CCDC141: variants seen among roughly 807,000 people sequenced by gnomAD.
CCDC141 encodes coiled-coil domain-containing protein 141.
Under a neutral mutation model 181.0 loss-of-function variants are expected in CCDC141, and 168 were observed. The ratio of observed to expected loss-of-function variants is 0.93; its 90% CI spans 0.82 to 1.05. The LOEUF is 1.05. CCDC141 is among the 50% of genes least tolerant of loss of function. The pLI is 0.00. For missense variants in CCDC141, 1,902 were observed against 1,788.5 expected, an observed-to-expected ratio of 1.06 and a Z score of -1.14; for synonymous variants, 666 against 642.3, an observed-to-expected ratio of 1.04 and a Z score of -0.56.
At chr2:178,910,845 G>A (rs981290985) in intron 7 of CCDC141, among the ~76,000 whole-genome samples, 15 of 152,176 alleles carry the variant, frequency 9.9e-5, no homozygotes, top group Non-Finnish European at 1.9e-4. Flanking sequence ...ACCTATGGAA[G>A]CTTTTGTCTC....
At chr2:178,947,039 A>G (rs1036686523) in intron 5 of CCDC141, among the ~76,000 whole-genome samples, 11 of 152,186 alleles carry the variant, frequency 7.2e-5, no homozygotes, top group African/African-American at 2.7e-4. Flanking sequence ...ACACAGGAGC[A>G]GACTCTTCGA....
chr2:179,019,011 G>C (rs888460117), intron 2 of CCDC141, among the ~76,000 whole-genome samples: 1 of 151,888 alleles, frequency 6.6e-6, no homozygotes, highest in Non-Finnish European at 1.5e-5. Context: ...TTTCCCAAAA[G>C]CCAGACCATG....
At chr2:178,855,172 C>T (rs1685328821) in intron 19 of CCDC141, among the ~76,000 whole-genome samples, 175 bp downstream of exon 19, 1 of 152,138 alleles carries the variant, frequency 6.6e-6, no homozygotes, top group Admixed American at 6.5e-5. Context: ...AATATTCATC[C>T]CCTTAGGTCC....
chr2:178,978,999 A>C (rs779377423), intron 2 of CCDC141, among the ~76,000 whole-genome samples: 1 of 152,208 alleles, frequency 6.6e-6, no homozygotes, highest in Non-Finnish European at 1.5e-5. Context: ...AAATAAGAAA[A>C]GTAATAAGAA....
chr2:178,949,147 G>A (rs1689848608), intron 5 of CCDC141, among the ~76,000 whole-genome samples: 1 of 152,172 alleles, frequency 6.6e-6, no homozygotes, highest in Non-Finnish European at 1.5e-5. Flanking sequence ...TAGGAAGGTT[G>A]GAAGAGTGGG....
intron 11 of CCDC141, among the ~76,000 whole-genome samples, chr2:178,881,959 A>C (rs1027482465): frequency 7.5e-5 from 11 of 145,750 alleles, no homozygotes; most frequent in Non-Finnish European, 1.2e-4. Context: ...ACACACACAC[A>C]CACCAGTCTA....
rs1340252830 is a variant in CCDC141 at position 178,886,868 on chromosome 2, C to T, written c.1411G>A (p.Glu471Lys). 4.1e-5 allele frequency: 58 copies of T among 1,418,884 alleles called. No individual in the cohort carries two copies. Among genetic ancestry groups the T allele is most frequent in the Non-Finnish European group, 5.2e-5 (57 of 1,087,350 alleles). The allele number at this position is 1,418,884 out of a possible 1,614,324, so 87.9% of individuals were successfully genotyped here. A position where few individuals can be genotyped will look rare whatever the true frequency, so the allele number is the denominator to read the frequency against. Residue 471 changes from glutamate to lysine, a missense_variant, in exon 10 of 24, where the codon GAA (glutamate) becomes AAA (lysine). Transcript: ENST00000443758. Reference sequence around the variant, plus strand: ...GGACTGATTTTCTGAATTGACATTTCCACCTTTAGGAGTGAATAATATATG... The same window carrying T: ...GGACTGATTTTCTGAATTGACATTTTCACCTTTAGGAGTGAATAATATATG... ...ASVEGYLRKV[E>K]MSIQKISPVL...
At chr2:178,853,415 A>G in intron 20 of CCDC141, 26 bp downstream of exon 20, 1 of 1,606,740 alleles carries the variant, frequency 6.2e-7, no homozygotes, top group Non-Finnish European at 8.5e-7. Context: ...ATGGCCAATC[A>G]CTGGATATCT....
rs527341019 is a variant in CCDC141 at position 178,848,561 on chromosome 2, G to T, written c.3357+1488C>A. On this transcript the variant is annotated intron_variant, in intron 21 of 23. Coordinates refer to ENST00000443758, the MANE Select transcript of CCDC141 (RefSeq NM_173648.4). ...AGAATGAGGAAGTGGGAGAGGCTGT[G>T]GAAACAGCTCTTTCAGGAAGAATAG... is the stretch of plus-strand genomic sequence containing the variant. Among the ~76,000 whole-genome samples the T allele has an allele frequency of 5.1e-4, 78 of 152,276 alleles. No homozygotes were observed. In the South Asian group the frequency reaches 1.0e-2, roughly 19 times the overall value.
At chr2:178,850,574 T>TATCTCCAGCCAA (rs11275198) in intron 20 of CCDC141, among the ~76,000 whole-genome samples, 130,102 of 151,424 alleles carry the variant, frequency 0.86, 55,923 homozygotes, top group East Asian at 0.99. Context: ...TCCTGTATTT[T>TATCTCCAGCCAA]ATCTCCAGCC....
chr2:178,919,387 T>A (rs1441112119), intron 6 of CCDC141, among the ~76,000 whole-genome samples: 2 of 152,150 alleles, frequency 1.3e-5, no homozygotes, highest in Non-Finnish European at 1.5e-5. Context: ...TAGTGGTAAA[T>A]GCTTCACTAC....
chr2:178,980,681 G>C (rs902246572), intron 2 of CCDC141, among the ~76,000 whole-genome samples: 1 of 152,138 alleles, frequency 6.6e-6, no homozygotes, highest in Non-Finnish European at 1.5e-5. Flanking sequence ...TTGTCTACAA[G>C]AAACCTACTC....
At chr2:178,909,833 GT>G (rs1688144302) in intron 7 of CCDC141, among the ~76,000 whole-genome samples, 1 of 152,150 alleles carries the variant, frequency 6.6e-6, no homozygotes, top group African/African-American at 2.4e-5. Flanking sequence ...TGGAAGCAGT[GT>G]TTTCCCTTTG....
intron 2 of CCDC141, among the ~76,000 whole-genome samples, chr2:178,990,451 G>A (rs1170955733): frequency 6.6e-6 from 1 of 151,602 alleles, no homozygotes; most frequent in Non-Finnish European, 1.5e-5. Flanking sequence ...ATTTACTGGT[G>A]AATGGATGAA....
intron 2 of CCDC141, among the ~76,000 whole-genome samples, chr2:179,035,081 A>G (rs982574474): frequency 6.6e-6 from 1 of 152,250 alleles, no homozygotes; most frequent in Admixed American, 6.5e-5. Flanking sequence ...CAATATACCC[A>G]TAATAGTTTG....
chr2:179,027,355 G>C (rs201031339), intron 2 of CCDC141, among the ~76,000 whole-genome samples: 1 of 152,044 alleles, frequency 6.6e-6, no homozygotes, highest in East Asian at 1.9e-4. Flanking sequence ...TTAAAAATGA[G>C]AGTTTCCGGC....
At chr2:179,007,054 G>A (rs1206423270) in intron 2 of CCDC141, among the ~76,000 whole-genome samples, 1 of 152,104 alleles carries the variant, frequency 6.6e-6, no homozygotes, top group Admixed American at 6.6e-5. Context: ...ATGAGTTGAT[G>A]GGCCCAAGGA....
In CCDC141 at chr2:178,868,192, A is replaced by T. The variant is rs745404016; in HGVS notation, c.2408T>A (p.Ile803Asn). Residue 803 changes from isoleucine to asparagine, a missense_variant, in exon 16 of 24, where the codon ATC (isoleucine) becomes AAC (asparagine). Ile to Asn is a moderately radical substitution (Grantham distance 149). Coordinates refer to ENST00000443758, the MANE Select transcript of CCDC141 (RefSeq NM_173648.4). ...HQVKEELGRL[I>N]KSRELEFVEQ... is the part of the protein sequence containing the mutation. ...TACAAACTCCAGCTCTCTTGATTTGATGAGACGTCCCAGCTACAATTTAGG... is the reference window on the plus strand; with the variant it reads ...TACAAACTCCAGCTCTCTTGATTTGTTGAGACGTCCCAGCTACAATTTAGG... 2 of 1,608,892 alleles carry T rather than the reference A, an allele frequency of 1.2e-6. No individual in the cohort carries two copies. Among genetic ancestry groups the T allele is most frequent in the South Asian group, 1.1e-5 (1 of 90,902 alleles).
Position 178,845,810 on chromosome 2 carries a change from A to G in CCDC141, c.3358-68T>C, listed in dbSNP as rs1358808691. On this transcript the variant is annotated intron_variant, in intron 21 of 23. Coordinates refer to ENST00000443758, the MANE Select transcript of CCDC141 (RefSeq NM_173648.4). ...TGGAGAACAGTGCCATACACTAACT[A>G]CTTGGAAGAAAACATAGACCACTTG... 4 of 894,746 alleles carry G rather than the reference A, an allele frequency of 4.5e-6. No individual in the cohort carries two copies. The East Asian group carries it at 9.7e-5, about 22-fold the overall frequency. The allele number at this position is 894,746 out of a possible 1,614,324, so 55.4% of individuals were successfully genotyped here.
Sources: gnomAD v4.1 joint callset for allele counts (sites outside exome capture counted in the v4.1 genomes callset) on GRCh38, gnomAD v4.1.1 for gene constraint, MANE v1.5 for transcripts, NCBI Gene and HGNC (gene_info 2026-07-23, HGNC 2026-07-21) for gene names.